Variants in FSTL5 observed in about 807,000 individuals in gnomAD.
The protein encoded by FSTL5 is follistatin like 5.
FSTL5 carries 62 observed loss-of-function variants against 89.1 expected under a neutral mutation model. That is an observed-to-expected ratio of 0.70 (90% CI 0.57 to 0.86). FSTL5 has a LOEUF of 0.86. Among genes scored for constraint, FSTL5 ranks in the 40% least tolerant of loss-of-function variants. The pLI, the probability that FSTL5 is intolerant of heterozygous loss-of-function variation, is 0.00. For missense variants in FSTL5, 1,057 were observed against 1,001.6 expected (o/e 1.06, Z -0.75); for synonymous variants, 383 against 346.2 (o/e 1.11, Z -1.18).
chr4:161,619,619 C>A (rs1735036818), intron 7 of FSTL5, among the ~76,000 whole-genome samples: 1 of 152,268 alleles, frequency 6.6e-6, no homozygotes, highest in Admixed American at 6.5e-5. Flanking sequence ...CAGAGAACTG[C>A]AAATCAAAAC....
At chr4:162,129,409 C>A (rs1488881158) in intron 1 of FSTL5, among the ~76,000 whole-genome samples, 2 of 152,176 alleles carry the variant, frequency 1.3e-5, no homozygotes, top group African/African-American at 4.8e-5. Context: ...CCAAACAAAT[C>A]TCTGCAAATT....
intron 15 of FSTL5, among the ~76,000 whole-genome samples, chr4:161,396,004 G>T (rs1730982222): frequency 6.6e-6 from 1 of 152,002 alleles, no homozygotes; most frequent in African/African-American, 2.4e-5. Context: ...CATGTGACTT[G>T]TTTATGCCCA....
At chr4:161,577,254 A>G (rs1487423588) in intron 8 of FSTL5, among the ~76,000 whole-genome samples, 1 of 152,060 alleles carries the variant, frequency 6.6e-6, no homozygotes, top group East Asian at 1.9e-4. Context: ...AGAACTTTTT[A>G]CAAATGAGGG....
intron 2 of FSTL5, among the ~76,000 whole-genome samples, chr4:162,039,194 T>C (rs139281479): frequency 6.6e-6 from 1 of 151,832 alleles, no homozygotes; most frequent in Admixed American, 6.6e-5. Context: ...CTTTTCACTA[T>C]ACATAAAAAT....
intron 7 of FSTL5, among the ~76,000 whole-genome samples, chr4:161,638,542 G>C (rs1235299395): frequency 6.6e-6 from 1 of 151,618 alleles, no homozygotes; most frequent in Non-Finnish European, 1.5e-5. Flanking sequence ...GGACCAGATG[G>C]ATTCACAGCT....
Position 161,696,820 on chromosome 4 carries a change from A to C in FSTL5, c.728-40326T>G, listed in dbSNP as rs189233553. Among the ~76,000 whole-genome samples the C allele has an allele frequency of 1.9e-4, 29 of 152,286 alleles. No homozygotes were observed. In the East Asian group the frequency reaches 3.9e-3, roughly 20 times the overall value. On this transcript the variant is annotated intron_variant, in intron 6 of 15. Transcript: ENST00000306100. ...AATTTTGTATCTTGAAACATTGCTG[A>C]ATTCTTTTATTAATTGTAGGAGCTT...
At chr4:161,573,966 C>T (rs945934663) in intron 8 of FSTL5, among the ~76,000 whole-genome samples, 7 of 152,086 alleles carry the variant, frequency 4.6e-5, no homozygotes, top group African/African-American at 1.4e-4. Context: ...TTGGAGAGTA[C>T]ACGGGATAAT....
At chr4:161,518,901 C>T (rs1252477421) in intron 10 of FSTL5, among the ~76,000 whole-genome samples, 1 of 152,134 alleles carries the variant, frequency 6.6e-6, no homozygotes. Context: ...AAGGCTTGTC[C>T]TGTGCTGGAA....
At chr4:161,463,215 G>C (rs1311255429) in intron 13 of FSTL5, among the ~76,000 whole-genome samples, 1 of 152,010 alleles carries the variant, frequency 6.6e-6, no homozygotes, top group South Asian at 2.1e-4. Context: ...TCTGCTCAAC[G>C]ATTTCCAAAA....
At chr4:161,885,658 A>G (rs985608387) in intron 4 of FSTL5, among the ~76,000 whole-genome samples, 11 of 152,234 alleles carry the variant, frequency 7.2e-5, no homozygotes, top group African/African-American at 2.2e-4. Context: ...CATGTTGCCC[A>G]TCAAGGTCTG....
At chr4:161,603,836 C>T (rs1411097465) in intron 7 of FSTL5, among the ~76,000 whole-genome samples, 1 of 151,918 alleles carries the variant, frequency 6.6e-6, no homozygotes, top group Non-Finnish European at 1.5e-5. Flanking sequence ...CAATGATATG[C>T]CCCAAAGATT....
chr4:161,487,450 T>C (rs13105240), intron 12 of FSTL5, among the ~76,000 whole-genome samples: 29,211 of 152,068 alleles, frequency 0.19, 3,401 homozygotes, highest in South Asian at 0.3. Flanking sequence ...TTAGAAACTT[T>C]TATAGCAATT....
chr4:161,759,331 A>G (rs1740695566), intron 6 of FSTL5, 80 bp downstream of exon 6: 2 of 1,316,182 alleles, frequency 1.5e-6, no homozygotes. Flanking sequence ...TTGTACTATG[A>G]GAGCAAGCAA....
intron 3 of FSTL5, among the ~76,000 whole-genome samples, chr4:161,995,927 C>T (rs1217163286): frequency 6.6e-6 from 1 of 151,970 alleles, no homozygotes; most frequent in South Asian, 2.1e-4. Context: ...AAAGTACCAT[C>T]AGTGTCCTAA....
intron 4 of FSTL5, among the ~76,000 whole-genome samples, chr4:161,776,819 A>C (rs541204151): frequency 1.5e-4 from 23 of 152,094 alleles, no homozygotes; most frequent in Non-Finnish European, 2.6e-4. Flanking sequence ...GATTAAAATC[A>C]GGGTAATTGG....
Position 161,540,746 on chromosome 4 carries a change from G to A in FSTL5, c.1177+1786C>T, listed in dbSNP as rs142896520. ...GCCAAAAAAGATTTTTGTATTTCTT[G>A]TCTCCTTTTTGTTTCTAAACACACT... On this transcript the variant is annotated intron_variant, in intron 9 of 15. Transcript: ENST00000306100. Among the ~76,000 whole-genome samples the A allele has an allele frequency of 1.3e-3, 195 of 151,042 alleles. 2 individuals are homozygous for A. The highest frequency in any genetic ancestry group is 0.01 in the Middle Eastern group (3 of 292).
In FSTL5 at chr4:161,812,879, C is replaced by CAAAAAAAAAAAAAAAAAAA; in HGVS notation, c.410-36824_410-36806dup. On this transcript the variant is annotated intron_variant, in intron 4 of 15. Transcript: ENST00000306100. ...ATCCAAACAAGATCCTAAATCCCAG[C>CAAAAAAAAAAAAAAAAAAA]AAAAAAAAAAAAAAAAAAAAAAAAA... 5.1e-4 allele frequency among the ~76,000 whole-genome samples: 21 copies of CAAAAAAAAAAAAAAAAAAA among 41,566 alleles called. 1 individual carries two copies. Among genetic ancestry groups the CAAAAAAAAAAAAAAAAAAA allele is most frequent in the South Asian group, 1.6e-3 (1 of 636 alleles). 27.3% of individuals were successfully genotyped at this position (41,566 alleles called of 152,430 possible). A position where few individuals can be genotyped will look rare whatever the true frequency, so the allele number is the denominator to read the frequency against.
At chr4:161,778,475 T>C (rs1392593166) in intron 4 of FSTL5, among the ~76,000 whole-genome samples, 1 of 152,206 alleles carries the variant, frequency 6.6e-6, no homozygotes, top group Non-Finnish European at 1.5e-5. Flanking sequence ...AGCATGGGGC[T>C]GCAAAACAAT....
At chr4:161,538,001 C>CTACTAAA (rs1331988372) in intron 10 of FSTL5, among the ~76,000 whole-genome samples, 165 bp downstream of exon 10, 2 of 152,052 alleles carry the variant, frequency 1.3e-5, no homozygotes, top group African/African-American at 4.8e-5. Flanking sequence ...ATCTTTAAAT[C>CTACTAAA]TGCTTTTAGT....
Sources: gnomAD v4.1 joint callset for allele counts (sites outside exome capture counted in the v4.1 genomes callset) on GRCh38, gnomAD v4.1.1 for gene constraint, MANE v1.5 for transcripts, NCBI Gene and HGNC (gene_info 2026-07-23, HGNC 2026-07-21) for gene names.